The following FRMD4A variants were observed in gnomAD, a reference collection of about 807,000 sequenced individuals.
The protein encoded by FRMD4A is FERM domain containing 4A.
Under a neutral mutation model 129.1 loss-of-function variants are expected in FRMD4A, and 29 were observed. The observed-to-expected ratio is 0.22, with a 90% CI of 0.17 to 0.31. The LOEUF is 0.31. FRMD4A is among the 10% of genes least tolerant of loss of function. FRMD4A has a pLI of 1.00. For synonymous variants in FRMD4A, 634 were observed against 571.6 expected, an observed-to-expected ratio of 1.11 and a Z score of -1.56; for missense variants, 1,272 against 1,375.8, an observed-to-expected ratio of 0.92 and a Z score of 1.19.
chr10:13,686,809 C>T (rs2085128716), intron 15 of FRMD4A, among the ~76,000 whole-genome samples: 1 of 152,176 alleles, frequency 6.6e-6, no homozygotes, highest in East Asian at 1.9e-4. Flanking sequence ...AGTCGAGAAG[C>T]CAAGATCAGC....
intron 2 of FRMD4A, among the ~76,000 whole-genome samples, chr10:14,245,029 A>G (rs1387321823): frequency 1.3e-5 from 2 of 152,238 alleles, no homozygotes; most frequent in African/African-American, 4.8e-5. Context: ...GAGCTCTTAC[A>G]TCCCTTGAAT....
At chr10:14,161,364 C>T (rs148120617) in intron 2 of FRMD4A, among the ~76,000 whole-genome samples, 1 of 152,328 alleles carries the variant, frequency 6.6e-6, no homozygotes, top group East Asian at 1.9e-4. Flanking sequence ...GAGATACCTG[C>T]ACCCCCATGT....
chr10:13,897,999 A>C (rs2131183408), intron 2 of FRMD4A, among the ~76,000 whole-genome samples: 1 of 150,940 alleles, frequency 6.6e-6, no homozygotes, highest in Middle Eastern at 3.6e-3. Context: ...CCTGGAGTTC[A>C]GTTAAGAGGG....
chr10:14,159,730 G>A (rs1407262614), intron 2 of FRMD4A, among the ~76,000 whole-genome samples: 1 of 152,116 alleles, frequency 6.6e-6, no homozygotes, highest in Non-Finnish European at 1.5e-5. Flanking sequence ...AAAAGCTAGA[G>A]GTATCACCTG....
chr10:14,116,179 T>C (rs907103591), intron 2 of FRMD4A, among the ~76,000 whole-genome samples: 8 of 152,154 alleles, frequency 5.3e-5, no homozygotes, highest in South Asian at 2.1e-4. Context: ...GTTATGAAAA[T>C]TGCATGCCTT....
intron 2 of FRMD4A, among the ~76,000 whole-genome samples, chr10:14,223,307 G>A (rs1235605419): frequency 6.6e-6 from 1 of 152,214 alleles, no homozygotes; most frequent in Non-Finnish European, 1.5e-5. Flanking sequence ...TGAGCAAGGA[G>A]AAAATTCTTC....
chr10:14,073,612 G>T (rs1481357289), intron 2 of FRMD4A, among the ~76,000 whole-genome samples: 1 of 152,062 alleles, frequency 6.6e-6, no homozygotes, highest in Non-Finnish European at 1.5e-5. Context: ...GATGTTGTTG[G>T]CATTGTCTTT....
intron 12 of FRMD4A, among the ~76,000 whole-genome samples, chr10:13,723,572 A>G (rs1056709189): frequency 6.6e-6 from 1 of 152,246 alleles, no homozygotes. Context: ...AAAAATGGTT[A>G]TGATGGTAGA....
chr10:13,976,546 A>ATT (rs61706353), intron 2 of FRMD4A, among the ~76,000 whole-genome samples: 1 of 148,986 alleles, frequency 6.7e-6, no homozygotes. Context: ...AGACAGAGGA[A>ATT]TTTTTTTTTT....
chr10:14,044,718 G>C (rs907991729), intron 2 of FRMD4A, among the ~76,000 whole-genome samples: 4 of 152,218 alleles, frequency 2.6e-5, no homozygotes, highest in African/African-American at 9.7e-5. Flanking sequence ...TGGAAGAACA[G>C]ATTTCTGTTG....
intron 2 of FRMD4A, among the ~76,000 whole-genome samples, chr10:13,952,947 T>C (rs527450034): frequency 3.3e-4 from 50 of 152,294 alleles, no homozygotes; most frequent in African/African-American, 1.0e-3. Context: ...TCCACCCGCC[T>C]CAGCCTCCTA....
chr10:13,788,776 T>C (rs576003449), intron 5 of FRMD4A, among the ~76,000 whole-genome samples: 1 of 152,344 alleles, frequency 6.6e-6, no homozygotes, highest in African/African-American at 2.4e-5. Context: ...TCTGTGTTTA[T>C]GTGTTTGAGC....
chr10:14,279,215 G>A (rs1295276696), intron 2 of FRMD4A, among the ~76,000 whole-genome samples: 3 of 124,716 alleles, frequency 2.4e-5, no homozygotes, highest in Admixed American at 9.2e-5. Context: ...TTGAGACAGA[G>A]TCTTGCTCTG....
At chr10:13,785,986 G>GTATATGTGCCA (rs1457761114) in intron 5 of FRMD4A, among the ~76,000 whole-genome samples, 1 of 152,190 alleles carries the variant, frequency 6.6e-6, no homozygotes, top group African/African-American at 2.4e-5. Flanking sequence ...ATTCCATGGT[G>GTATATGTGCCA]TATATGTGCC....
At chr10:13,886,032 G>T (rs368313211) in intron 2 of FRMD4A, among the ~76,000 whole-genome samples, 2 of 152,108 alleles carry the variant, frequency 1.3e-5, no homozygotes, top group East Asian at 1.9e-4. Flanking sequence ...TAGGTATGTC[G>T]TCTAGCTCTG....
chr10:14,026,868 T>C (rs1413072872), intron 2 of FRMD4A, among the ~76,000 whole-genome samples: 1 of 152,258 alleles, frequency 6.6e-6, no homozygotes, highest in African/African-American at 2.4e-5. Context: ...GGAGGGTATG[T>C]ATCTGCATAT....
chr10:14,302,140 T>C (rs1277372344), intron 2 of FRMD4A, among the ~76,000 whole-genome samples: 1 of 152,216 alleles, frequency 6.6e-6, no homozygotes, highest in Non-Finnish European at 1.5e-5. Flanking sequence ...GGATTTCTCA[T>C]TTTCTCCAAC....
chr10:14,174,866 AGTGTGTGTGTGTCTGTGT>A (rs201872769), intron 2 of FRMD4A, among the ~76,000 whole-genome samples: 4,705 of 139,466 alleles, frequency 0.034, 96 homozygotes, highest in East Asian at 0.058. Flanking sequence ...TAAAAAAAAA[AGTGTGTGTGTGTCTGTGT>A]GTGTGTGTGT....
At chr10:14,023,447 T>A (rs2131648774) in intron 2 of FRMD4A, among the ~76,000 whole-genome samples, 1 of 152,322 alleles carries the variant, frequency 6.6e-6, no homozygotes, top group East Asian at 1.9e-4. Flanking sequence ...TTCCATAGCC[T>A]TCTCCAGCTG....
Sources: gnomAD v4.1 joint callset for allele counts (sites outside exome capture counted in the v4.1 genomes callset) on GRCh38, gnomAD v4.1.1 for gene constraint, MANE v1.5 for transcripts, NCBI Gene and HGNC (gene_info 2026-07-23, HGNC 2026-07-21) for gene names.